The following ATRNL1 variants were observed in gnomAD, a reference collection of about 807,000 sequenced individuals.
The protein encoded by ATRNL1 is attractin like 1, also known as attractin-like protein 1.
ATRNL1 carries 95 observed loss-of-function variants against 182.7 expected under a neutral mutation model. The ratio of observed to expected loss-of-function variants is 0.52; its 90% CI spans 0.44 to 0.62. ATRNL1 has a LOEUF of 0.62. Ranked by LOEUF, ATRNL1 falls within the 20% of genes least tolerant of loss-of-function variation. ATRNL1 has a pLI of 0.00. For missense variants in ATRNL1, 1,471 were observed against 1,679.5 expected, an observed-to-expected ratio of 0.88 and a Z score of 2.17; for synonymous variants, 576 against 568.3, an observed-to-expected ratio of 1.01 and a Z score of -0.19.
rs1565463971 is a variant in ATRNL1, at chr10:115,889,720, A to G, written c.4018+41729A>G. ...TCTGCCTCTAAAACCTGTGTTCTTA[A>G]CCACGACACCACATTGAAGTTTATT... On this transcript the variant is annotated intron_variant, in intron 28 of 28. Transcript: ENST00000355044. Among the ~76,000 whole-genome samples, 3 of 152,166 alleles carry G rather than the reference A, an allele frequency of 2.0e-5. No homozygotes were observed. The South Asian group carries it at 6.2e-4, about 32-fold the overall frequency.
intron 21 of ATRNL1, among the ~76,000 whole-genome samples, chr10:115,445,654 A>G (rs1054505207): frequency 6.6e-6 from 1 of 151,954 alleles, no homozygotes; most frequent in Non-Finnish European, 1.5e-5. Flanking sequence ...TTTAAAGTGT[A>G]CAATTCAGTA....
intron 27 of ATRNL1, among the ~76,000 whole-genome samples, chr10:115,787,085 T>C (rs190528806): frequency 6.6e-6 from 1 of 152,346 alleles, no homozygotes; most frequent in East Asian, 1.9e-4. Flanking sequence ...TGAATTGATA[T>C]TTAATACATG....
At chr10:115,416,093 A>G (rs1437344828) in intron 20 of ATRNL1, among the ~76,000 whole-genome samples, 1 of 151,996 alleles carries the variant, frequency 6.6e-6, no homozygotes, top group Non-Finnish European at 1.5e-5. Flanking sequence ...ATCTCATTGG[A>G]GTTTTCATTG....
chr10:115,566,327 C>A (rs1396859480), intron 26 of ATRNL1, among the ~76,000 whole-genome samples: 17 of 152,092 alleles, frequency 1.1e-4, no homozygotes, highest in Admixed American at 7.2e-4. Flanking sequence ...CACGTATCTC[C>A]TGTAGATGTG....
chr10:115,765,980 C>A (rs1181812583), intron 27 of ATRNL1, among the ~76,000 whole-genome samples: 2 of 15,420 alleles, frequency 1.3e-4, no homozygotes, highest in South Asian at 2.4e-3. Context: ...TCCTTTCCCC[C>A]CCCCGGCTCA....
chr10:115,907,963 A>G (rs1238117340), intron 28 of ATRNL1, among the ~76,000 whole-genome samples: 7 of 152,234 alleles, frequency 4.6e-5, no homozygotes, highest in African/African-American at 9.6e-5. Context: ...GATGAGTTTT[A>G]TAAGTAATCC....
chr10:115,737,179 A>C (rs568276627), intron 27 of ATRNL1, among the ~76,000 whole-genome samples: 20 of 151,346 alleles, frequency 1.3e-4, no homozygotes, highest in African/African-American at 4.6e-4. Context: ...TAATCACAGC[A>C]CTTTGGGAGG....
At chr10:115,666,160 C>T (rs560240919) in intron 26 of ATRNL1, among the ~76,000 whole-genome samples, 21 of 152,252 alleles carry the variant, frequency 1.4e-4, no homozygotes, top group South Asian at 6.2e-4. Context: ...TCTCAAGCCT[C>T]ATATTCAGAA....
intron 23 of ATRNL1, among the ~76,000 whole-genome samples, chr10:115,468,732 T>G (rs1373063005): frequency 1.3e-5 from 2 of 150,724 alleles, no homozygotes; most frequent in Non-Finnish European, 3.0e-5. Flanking sequence ...GAAAATATGG[T>G]CTGATTTCTT....
At chr10:115,717,922 G>A (rs1013989987) in intron 26 of ATRNL1, among the ~76,000 whole-genome samples, 2 of 151,962 alleles carry the variant, frequency 1.3e-5, no homozygotes, top group African/African-American at 4.8e-5. Context: ...TACATTTTCT[G>A]GCTTCTGTGT....
chr10:115,515,044 C>A (rs782200543), intron 24 of ATRNL1, among the ~76,000 whole-genome samples: 3 of 151,908 alleles, frequency 2.0e-5, no homozygotes, highest in Non-Finnish European at 4.4e-5. Context: ...TTCCAGGCTT[C>A]TTTAGAACTT....
intron 18 of ATRNL1, among the ~76,000 whole-genome samples, chr10:115,329,542 G>T (rs1425273656): frequency 6.6e-6 from 1 of 151,896 alleles, no homozygotes; most frequent in Non-Finnish European, 1.5e-5. Flanking sequence ...ATTAATGTTT[G>T]CTTTCTATAT....
intron 26 of ATRNL1, among the ~76,000 whole-genome samples, chr10:115,619,386 C>T (rs1857602508): frequency 6.6e-6 from 1 of 152,112 alleles, no homozygotes; most frequent in Non-Finnish European, 1.5e-5. Flanking sequence ...AGGTGCATAG[C>T]AGTTCCACCA....
At chr10:115,499,649 T>A (rs1368407729) in intron 24 of ATRNL1, among the ~76,000 whole-genome samples, 2 of 152,112 alleles carry the variant, frequency 1.3e-5, no homozygotes, top group African/African-American at 4.8e-5. Flanking sequence ...TGGGAAGACT[T>A]GAAGGAGGGA....
intron 21 of ATRNL1, among the ~76,000 whole-genome samples, chr10:115,433,737 A>G (rs1846270282): frequency 1.3e-5 from 2 of 152,180 alleles, no homozygotes; most frequent in African/African-American, 2.4e-5. Flanking sequence ...AGCTAAAAGG[A>G]AAAAAATTGC....
At chr10:115,819,258 C>T (rs1950237702) in intron 27 of ATRNL1, among the ~76,000 whole-genome samples, 1 of 151,978 alleles carries the variant, frequency 6.6e-6, no homozygotes, top group Non-Finnish European at 1.5e-5. Flanking sequence ...TTAAATGAAG[C>T]ATGTTCAAAA....
At chr10:115,924,695 G>A (rs894516240) in intron 28 of ATRNL1, among the ~76,000 whole-genome samples, 32 of 152,096 alleles carry the variant, frequency 2.1e-4, no homozygotes, top group African/African-American at 6.3e-4. Context: ...TGCCTCCAGC[G>A]TTGTTCTTTT....
intron 26 of ATRNL1, among the ~76,000 whole-genome samples, chr10:115,625,360 A>T (rs1858025822): frequency 6.6e-6 from 1 of 152,162 alleles, no homozygotes; most frequent in African/African-American, 2.4e-5. Context: ...TACTTTGGAA[A>T]TTTTCAAAAA....
intron 20 of ATRNL1, among the ~76,000 whole-genome samples, chr10:115,413,281 G>A (rs1392140537): frequency 6.6e-6 from 1 of 152,138 alleles, no homozygotes; most frequent in Non-Finnish European, 1.5e-5. Context: ...TTGAGTGGAA[G>A]TATAACAAGT....
Sources: allele counts gnomAD v4.1 joint callset (sites outside exome capture counted in the v4.1 genomes callset), GRCh38; gene constraint gnomAD v4.1.1; transcripts MANE v1.5; gene names NCBI Gene and HGNC (gene_info 2026-07-23, HGNC 2026-07-21).